TMPRSS2: variants seen among roughly 807,000 people sequenced by gnomAD.
TMPRSS2 encodes transmembrane serine protease 2, also known as transmembrane protease serine 2.
Under a neutral mutation model 67.4 loss-of-function variants are expected in TMPRSS2, and 59 were observed. The ratio of observed to expected loss-of-function variants is 0.88; its 90% CI spans 0.71 to 1.09. TMPRSS2 has a LOEUF of 1.09. Ranked by LOEUF, TMPRSS2 falls within the 50% of genes least tolerant of loss-of-function variation. The pLI is 0.00. For missense variants in TMPRSS2, 668 were observed against 642.7 expected (o/e 1.04, Z -0.43); for synonymous variants, 257 against 257.0 (o/e 1.00, Z 0.00).
At chr21:41,507,854 C>T in intron 1 of TMPRSS2, 2 of 1,362,024 alleles carry the variant, frequency 1.5e-6, no homozygotes, top group Non-Finnish European at 9.6e-7. Context: ...GGCTCTCGGC[C>T]GTGCGCAAGG....
rs1601572353 is a variant in TMPRSS2, at chr21:41,477,667, C to T, written c.684-1047G>A. 4.6e-5 allele frequency among the ~76,000 whole-genome samples: 7 copies of T among 152,266 alleles called. No homozygotes were observed. In the South Asian group the frequency reaches 1.5e-3, roughly 32 times the overall value. On this transcript the variant is annotated intron_variant, in intron 7 of 13. Coordinates refer to ENST00000332149, the MANE Select transcript of TMPRSS2 (RefSeq NM_005656.4). ...TGACTACAGGTGCATTCCAGGTGGA[C>T]TCTGGCTCTGGGGCACTGACACGGC...
intron 3 of TMPRSS2, among the ~76,000 whole-genome samples, chr21:41,490,346 A>C (rs1229287814): frequency 2.6e-5 from 4 of 152,234 alleles, no homozygotes; most frequent in Admixed American, 2.6e-4. Flanking sequence ...CTATTTAGCG[A>C]ATGGATGCTA....
chr21:41,487,007 TG>T (rs2091303431), intron 5 of TMPRSS2: 1 of 152,126 alleles, frequency 6.6e-6, no homozygotes, highest in Admixed American at 6.5e-5. Context: ...GAAACAGAAC[TG>T]CCATGTGATC....
rs779695423 is a variant in TMPRSS2, at chr21:41,470,673, G to A, written c.1146C>T (p.Ser382=). ...CTTTCTCCTCGGTGGCCCCCCACCC[G>A]GAAATCCAGCAGAGCTGTTCTGGCT... ...MLQPEQLCWI[S]GWGATEEKGK... Residue 382 remains serine, a synonymous_variant, in exon 11 of 14, where the codon TCC becomes TCT. Transcript: ENST00000332149. 41 of 1,613,412 alleles carry A rather than the reference G, an allele frequency of 2.5e-5. No individual in the cohort carries two copies. Among genetic ancestry groups the A allele is most frequent in the Admixed American group, 6.7e-5 (4 of 59,992 alleles).
rs2091302039 is a variant in TMPRSS2, at chr21:41,486,840, A to G, written c.445+1554T>C. The G allele has an allele frequency of 2.0e-5, 3 of 152,218 alleles. No individual in the cohort carries two copies. In the South Asian group the frequency reaches 6.2e-4, roughly 32 times the overall value. The allele number at this position is 152,218 out of a possible 1,614,324, so 9.4% of individuals were successfully genotyped here. ...CAAATGAAAACCACAATGAGGTATC[A>G]TCTCATACCTCTTCAAATGGCTACT... On this transcript the variant is annotated intron_variant, in intron 5 of 13. Coordinates refer to ENST00000332149, the MANE Select transcript of TMPRSS2 (RefSeq NM_005656.4).
intron 1 of TMPRSS2, among the ~76,000 whole-genome samples, chr21:41,507,320 C>T (rs895064796): frequency 2.0e-5 from 3 of 152,188 alleles, no homozygotes; most frequent in Non-Finnish European, 4.4e-5. Context: ...CAACCCGGCA[C>T]GGAGCGCAAG....
At chr21:41,466,628 C>G (rs1326413936) in intron 13 of TMPRSS2, among the ~76,000 whole-genome samples, 1 of 152,156 alleles carries the variant, frequency 6.6e-6, no homozygotes, top group African/African-American at 2.4e-5. Flanking sequence ...CAGGTGACGC[C>G]CCCTGGGCCC....
intron 3 of TMPRSS2, 130 bp from the exon 4 acceptor site, chr21:41,489,723 CTTTTAA>C (rs2091322161): frequency 1.6e-6 from 1 of 627,732 alleles, no homozygotes; most frequent in Non-Finnish European, 2.7e-6. Flanking sequence ...AAAAATGTGA[CTTTTAA>C]TTTTAAGAAA....
chr21:41,472,572 C>G (rs992838639), intron 9 of TMPRSS2, among the ~76,000 whole-genome samples: 2 of 152,026 alleles, frequency 1.3e-5, no homozygotes, highest in Non-Finnish European at 2.9e-5. Context: ...AAGGGAGCAC[C>G]CTTGGGTAAC....
intron 2 of TMPRSS2, among the ~76,000 whole-genome samples, chr21:41,494,875 C>T (rs2091369394): frequency 6.6e-6 from 1 of 151,596 alleles, no homozygotes. Context: ...TCGAGACCAT[C>T]GTGGCCAACA....
At chr21:41,495,415 G>C (rs2091373982) in intron 2 of TMPRSS2, among the ~76,000 whole-genome samples, 1 of 152,066 alleles carries the variant, frequency 6.6e-6, no homozygotes, top group African/African-American at 2.4e-5. Flanking sequence ...CCTGAGGTCA[G>C]GAGTTTGAGA....
chr21:41,502,970 C>A (rs920094451), intron 1 of TMPRSS2, among the ~76,000 whole-genome samples: 3 of 152,124 alleles, frequency 2.0e-5, no homozygotes, highest in African/African-American at 4.8e-5. Context: ...GTTCTTACCA[C>A]CTGTACCCCA....
intron 1 of TMPRSS2, chr21:41,506,489 C>G (rs981957387): frequency 1.3e-5 from 2 of 152,276 alleles, no homozygotes; most frequent in Admixed American, 1.3e-4. Flanking sequence ...CCTACTTCTT[C>G]AAAAGCACTC....
intron 7 of TMPRSS2, 68 bp from the exon 8 acceptor site, chr21:41,476,688 A>G: frequency 7.3e-7 from 1 of 1,373,520 alleles, no homozygotes. Flanking sequence ...CATGCTTAGA[A>G]ATCAGTCATT....
chr21:41,498,266 A>C, intron 1 of TMPRSS2, 77 bp from the exon 2 acceptor site: 1 of 986,812 alleles, frequency 1.0e-6, no homozygotes, highest in Non-Finnish European at 1.5e-6. Context: ...AAGAACTAGA[A>C]GAATCTCTAG....
Position 41,479,291 on chromosome 21 carries a change from G to A in TMPRSS2, c.573-9C>T. The A allele has an allele frequency of 6.2e-7, 1 of 1,605,186 alleles. No homozygotes were observed. On this transcript the variant is annotated splice_polypyrimidine_tract_variant and intron_variant, in intron 6 of 13. Transcript: ENST00000332149. The stretch of plus-strand genomic sequence containing the variant: ...TAGAGTAAAAATTATTCCTAAAAAA[G>A]AAAACCTTATTTGTGATAATGGTTA...
intron 3 of TMPRSS2, among the ~76,000 whole-genome samples, chr21:41,491,393 C>T (rs35899679): frequency 6.6e-6 from 1 of 151,822 alleles, no homozygotes. Context: ...GTGATCCACT[C>T]GCCTCAGCCT....
At chr21:41,481,414 A>G (rs544784789) in intron 5 of TMPRSS2, among the ~76,000 whole-genome samples, 3 of 152,294 alleles carry the variant, frequency 2.0e-5, no homozygotes, top group South Asian at 2.1e-4. Flanking sequence ...TGGAATGCCT[A>G]GAGTAGGAAA....
chr21:41,472,094 C>A, intron 9 of TMPRSS2, 113 bp from the exon 10 acceptor site: 2 of 1,042,118 alleles, frequency 1.9e-6, no homozygotes, highest in Middle Eastern at 3.0e-4. Flanking sequence ...GATGGTTCAC[C>A]AAAAACCACA....
Sources: allele counts gnomAD v4.1 joint callset (sites outside exome capture counted in the v4.1 genomes callset), GRCh38; gene constraint gnomAD v4.1.1; transcripts MANE v1.5; gene names NCBI Gene and HGNC (gene_info 2026-07-23, HGNC 2026-07-21).